The following GSTA3 variants were observed in gnomAD, a reference collection of about 807,000 sequenced individuals.
GSTA3 encodes glutathione S-transferase A3.
In GSTA3, 16 loss-of-function variants were observed where a neutral mutation model predicts 23.1. That is an observed-to-expected ratio of 0.69 (90% CI 0.47 to 1.05). The LOEUF (loss-of-function observed/expected upper bound fraction) is 1.05. Among genes scored for constraint, GSTA3 ranks in the 50% least tolerant of loss-of-function variants. The pLI is 0.00. For missense variants in GSTA3, 319 were observed against 263.6 expected, an observed-to-expected ratio of 1.21 and a Z score of -1.46; for synonymous variants, 122 against 91.0, an observed-to-expected ratio of 1.34 and a Z score of -1.94.
At position 52,899,994 on chromosome 6, in the gene GSTA3, A is replaced by G; in HGVS notation, c.354T>C (p.Asp118=). The G allele has an allele frequency of 1.2e-6, 2 of 1,614,002 alleles. No individual in the cohort carries two copies. The highest frequency in any genetic ancestry group is 1.7e-6 in the Non-Finnish European group (2 of 1,179,896). The change falls in exon 5 of 7, where the codon GAT becomes GAC. Residue 118 remains aspartate, a synonymous_variant. Coordinates refer to ENST00000211122, the MANE Select transcript of GSTA3 (RefSeq NM_000847.5). The stretch of plus-strand genomic sequence containing the variant: ...TCTCTTTGATCAAGGCAATCTTGGC[A>G]TCTTTTTCCTCAGGTCGACATAAGG... ...LLPLCRPEEK[D]AKIALIKEKT...
chr6:52,896,901 G>C lies in GSTA3; in HGVS notation c.574C>G (p.Pro192Ala). ...KALKTRISNLPTVKKFLQPGS... is the reference protein window; with the variant it reads ...KALKTRISNLATVKKFLQPGS... ...GGCTGTAGAAACTTCTTCACCGTGG[G>C]CAGGTTGCTGATTCTGGTTTTCAGG... Residue 192 changes from proline to alanine, a missense_variant, in exon 7 of 7, where the codon CCC becomes GCC. Coordinates refer to ENST00000211122, the MANE Select transcript of GSTA3 (RefSeq NM_000847.5). 1 of 1,614,006 alleles carries C rather than the reference G, an allele frequency of 6.2e-7. No homozygotes were observed. The highest frequency in any genetic ancestry group is 8.5e-7 in the Non-Finnish European group (1 of 1,179,910).
At chr6:52,908,550 T>G (rs930713509) in intron 1 of GSTA3, among the ~76,000 whole-genome samples, 1 of 152,092 alleles carries the variant, frequency 6.6e-6, no homozygotes, top group Non-Finnish European at 1.5e-5. Flanking sequence ...CAAGCTAGGA[T>G]TATGGCAATA....
At chr6:52,897,558 G>A (rs1765493474) in intron 6 of GSTA3, among the ~76,000 whole-genome samples, 1 of 152,236 alleles carries the variant, frequency 6.6e-6, no homozygotes, top group Admixed American at 6.5e-5. Flanking sequence ...AGGAATGGGG[G>A]AGGAAGGAAG....
chr6:52,904,065 C>A (rs181833253), intron 2 of GSTA3, among the ~76,000 whole-genome samples: 1 of 152,104 alleles, frequency 6.6e-6, no homozygotes, highest in Non-Finnish European at 1.5e-5. Context: ...TGGCTCATTG[C>A]AGCCTTGATC....
rs45474296 is a variant in GSTA3 at position 52,898,979 on chromosome 6, A to G, written c.414+955T>C. ...CGGGGTGAGTGCTTTGGCAGGAGTC[A>G]GGGCAGAGCAGGTAGCCGGCAATCG... On this transcript the variant is annotated intron_variant, in intron 5 of 6. Transcript: ENST00000211122. 1.8e-4 allele frequency among the ~76,000 whole-genome samples: 27 copies of G among 152,298 alleles called. No homozygotes were observed. In the East Asian group the frequency reaches 4.1e-3, roughly 23 times the overall value.
intron 2 of GSTA3, among the ~76,000 whole-genome samples, chr6:52,905,426 GT>G (rs1765858178): frequency 6.6e-6 from 1 of 151,694 alleles, no homozygotes; most frequent in Non-Finnish European, 1.5e-5. Flanking sequence ...CAATATTCAG[GT>G]TTCTAATTTT....
chr6:52,908,467 G>A (rs1413816965), intron 1 of GSTA3, among the ~76,000 whole-genome samples: 1 of 152,084 alleles, frequency 6.6e-6, no homozygotes, highest in Non-Finnish European at 1.5e-5. Flanking sequence ...GTGAAACATG[G>A]CCACATCACT....
At chr6:52,906,756 C>T (rs9474341) in intron 1 of GSTA3, among the ~76,000 whole-genome samples, 5,536 of 150,634 alleles carry the variant, frequency 0.037, 296 homozygotes, top group African/African-American at 0.13. Flanking sequence ...AACTGGCTAG[C>T]CATATGTAGA....
Position 52,905,927 on chromosome 6 carries a change from T to C in GSTA3, c.-21-72A>G, listed in dbSNP as rs533446609. 137 of 676,788 alleles carry C rather than the reference T, an allele frequency of 2.0e-4. 1 individual carries two copies. Among genetic ancestry groups the C allele is most frequent in the South Asian group, 1.8e-3 (103 of 58,714 alleles). The allele number at this position is 676,788 out of a possible 1,614,324, so 41.9% of individuals were successfully genotyped here. On this transcript the variant is annotated intron_variant, in intron 1 of 6. Transcript: ENST00000211122. The stretch of plus-strand genomic sequence containing the variant: ...GAGAAGCAAAATGCACGCTAGTATA[T>C]GAATGGTTGAACAACAGGAGTGTCT...
chr6:52,902,221 A>G, intron 4 of GSTA3, 125 bp downstream of exon 4: 3 of 1,130,046 alleles, frequency 2.7e-6, no homozygotes, highest in South Asian at 2.8e-5. Context: ...ACTGGACCTC[A>G]GTATACACGC....
intron 2 of GSTA3, among the ~76,000 whole-genome samples, chr6:52,904,054 A>T (rs1195689483): frequency 6.6e-6 from 1 of 152,052 alleles, no homozygotes; most frequent in Non-Finnish European, 1.5e-5. Context: ...TGGTATGATC[A>T]TGGCTCATTG....
intron 5 of GSTA3, among the ~76,000 whole-genome samples, chr6:52,899,298 A>G (rs1478493331): frequency 2.6e-5 from 4 of 152,214 alleles, no homozygotes; most frequent in African/African-American, 7.2e-5. Context: ...TAGAACTCCT[A>G]TCTAACAGGG....
chr6:52,902,432 C>A lies in GSTA3; in HGVS notation c.186G>T (p.Gly62=). The A allele has an allele frequency of 6.2e-7, 1 of 1,613,736 alleles. No homozygotes were observed. Residue 62 remains glycine (G), a synonymous_variant, in exon 4 of 7, where the codon GGG becomes GGT. Coordinates refer to ENST00000211122, the MANE Select transcript of GSTA3 (RefSeq NM_000847.5). ...FQQVPMVEID[G]MKLVQTRAIL... ...TGGCTCTGGTCTGTACCAACTTCATCCCATCAATCTCAACCATTGGTACTT... is the reference window on the plus strand; with the variant it reads ...TGGCTCTGGTCTGTACCAACTTCATACCATCAATCTCAACCATTGGTACTT...
chr6:52,897,943 T>C lies in GSTA3; in HGVS notation c.428A>G (p.His143Arg). 2 of 1,614,056 alleles carry C rather than the reference T, an allele frequency of 1.2e-6. No homozygotes were observed. The highest frequency in any genetic ancestry group is 1.7e-6 in the Non-Finnish European group (2 of 1,179,930). Residue 143 changes from histidine to arginine, a missense_variant, in exon 6 of 7, where the codon CAT becomes CGT. His to Arg is a conservative substitution (Grantham distance 29, BLOSUM62 0). Transcript: ENST00000211122. ...GTTGCCAACAAGGTAGTCTTGTCCA[T>C]GGCTCTGTAACACCTGGAGAATTTG... The part of the protein sequence containing the change: ...FPAFEKVLQS[H>R]GQDYLVGNKL...
intron 5 of GSTA3, among the ~76,000 whole-genome samples, chr6:52,898,474 C>T (rs1171492263): frequency 4.6e-5 from 7 of 152,102 alleles, no homozygotes; most frequent in Non-Finnish European, 7.4e-5. Flanking sequence ...CCACAGCCCA[C>T]GTTCTACTTA....
chr6:52,897,703 C>CT, intron 6 of GSTA3, 122 bp downstream of exon 6: 2 of 1,081,122 alleles, frequency 1.8e-6, no homozygotes, highest in Non-Finnish European at 2.8e-6. Flanking sequence ...TTTTGGAGAC[C>CT]TGGGGGTACT....
chr6:52,907,929 C>T (rs1055754226), intron 1 of GSTA3, among the ~76,000 whole-genome samples: 6 of 151,314 alleles, frequency 4.0e-5, no homozygotes, highest in East Asian at 1.9e-4. Context: ...GCATATGTAA[C>T]GAACCTGCAC....
chr6:52,896,818 A>C lies in GSTA3; in HGVS notation c.657T>G (p.Ile219Met). Reference protein sequence around the residue: ...DAKALEEARKIFRF With the variant: ...DAKALEEARKMFRF Reference sequence around the variant, plus strand: ...CATGGCTGCTTTATTAAAACCTGAAAATCTTTCTGGCTTCTTCTAAAGCTT... The same window carrying C: ...CATGGCTGCTTTATTAAAACCTGAACATCTTTCTGGCTTCTTCTAAAGCTT... Residue 219 changes from isoleucine (I) to methionine (M), a missense_variant, in exon 7 of 7, where the codon ATT becomes ATG. Ile to Met is a conservative substitution (Grantham distance 10, BLOSUM62 1). Transcript: ENST00000211122. The C allele has an allele frequency of 6.2e-7, 1 of 1,613,972 alleles. No individual in the cohort carries two copies. Among genetic ancestry groups the C allele is most frequent in the Non-Finnish European group, 8.5e-7 (1 of 1,179,912 alleles).
chr6:52,904,574 C>T (rs138942401), intron 2 of GSTA3, among the ~76,000 whole-genome samples: 16 of 152,208 alleles, frequency 1.1e-4, no homozygotes, highest in East Asian at 1.9e-4. Flanking sequence ...GCTGAAGGGG[C>T]GCGCTAGAAG....
Sources: gnomAD v4.1 joint callset for allele counts (sites outside exome capture counted in the v4.1 genomes callset) on GRCh38, gnomAD v4.1.1 for gene constraint, MANE v1.5 for transcripts, NCBI Gene and HGNC (gene_info 2026-07-23, HGNC 2026-07-21) for gene names.